Variants in GPM6B observed in about 807,000 individuals in gnomAD.
GPM6B encodes neuronal membrane glycoprotein M6-b.
In GPM6B, 4 loss-of-function variants were observed where a neutral mutation model predicts 27.2. That is an observed-to-expected ratio of 0.15 (90% CI 0.07 to 0.34). GPM6B has a LOEUF of 0.34. GPM6B is among the 10% of genes least tolerant of loss of function. The pLI is 1.00. For missense variants in GPM6B, 183 were observed against 261.9 expected (o/e 0.70, Z 2.08); for synonymous variants, 124 against 103.1 (o/e 1.20, Z -1.23).
chrX:13,774,837 A>C, intron 7 of GPM6B, among the ~76,000 whole-genome samples: 1 of 109,793 alleles, frequency 9.1e-6, no homozygotes, highest in Non-Finnish European at 1.9e-5. Flanking sequence ...GCCCTCAGTG[A>C]GTTTACTAAA....
At chrX:13,925,148 T>C (rs1180595549) in intron 1 of GPM6B, among the ~76,000 whole-genome samples, 1 of 111,247 alleles carries the variant, frequency 9.0e-6, no homozygotes, top group African/African-American at 3.3e-5. Context: ...TTCTGGGACA[T>C]AGTCACAGAG....
chrX:13,890,370 C>G (rs185644268), intron 1 of GPM6B, among the ~76,000 whole-genome samples: 1 of 111,917 alleles, frequency 8.9e-6, no homozygotes, highest in African/African-American at 3.2e-5. Flanking sequence ...TAAAATGGCT[C>G]TATGGAGTAG....
At chrX:13,849,889 T>C (rs2049694420) in intron 1 of GPM6B, among the ~76,000 whole-genome samples, 2 of 109,990 alleles carry the variant, frequency 1.8e-5, no homozygotes, top group Non-Finnish European at 3.8e-5. Flanking sequence ...TGAAACCTCA[T>C]CTTTACTAAA....
chrX:13,792,765 T>C (rs1049139727), intron 2 of GPM6B, among the ~76,000 whole-genome samples: 3 of 110,756 alleles, frequency 2.7e-5, no homozygotes, highest in African/African-American at 9.9e-5. Context: ...CTGGGTGTGG[T>C]GGCGCATGCC....
At chrX:13,857,633 T>C (rs1461865231) in intron 1 of GPM6B, among the ~76,000 whole-genome samples, 1 of 112,539 alleles carries the variant, frequency 8.9e-6, no homozygotes, top group African/African-American at 3.2e-5. Flanking sequence ...CATAACTCAA[T>C]AGCACCTCTT....
intron 1 of GPM6B, among the ~76,000 whole-genome samples, chrX:13,921,561 C>A (rs1248136548): frequency 2.0e-5 from 2 of 99,867 alleles, no homozygotes; most frequent in South Asian, 9.0e-4. Context: ...AGTTTTGCAA[C>A]CACATTTATA....
intron 1 of GPM6B, among the ~76,000 whole-genome samples, chrX:13,865,961 C>T (rs1167048526): frequency 1.8e-5 from 2 of 110,827 alleles, no homozygotes; most frequent in Non-Finnish European, 3.8e-5. Context: ...ACAAATACCT[C>T]ATGATCCTGC....
At chrX:13,899,619 G>A (rs1282910020) in intron 1 of GPM6B, among the ~76,000 whole-genome samples, 4 of 110,672 alleles carry the variant, frequency 3.6e-5, no homozygotes, top group African/African-American at 1.3e-4. Context: ...AAACACGCAA[G>A]TATGGAATGG....
intron 1 of GPM6B, among the ~76,000 whole-genome samples, chrX:13,866,808 A>G (rs2049925209): frequency 8.9e-6 from 1 of 111,928 alleles, no homozygotes; most frequent in Admixed American, 9.5e-5. Context: ...ATACCCAGAT[A>G]CTTGGAGAAC....
At chrX:13,843,200 A>AC (rs2147232013) in intron 1 of GPM6B, among the ~76,000 whole-genome samples, 1 of 112,298 alleles carries the variant, frequency 8.9e-6, no homozygotes, top group East Asian at 2.8e-4. Flanking sequence ...ACACATGGAT[A>AC]TGTAGTCCTT....
chrX:13,796,810 G>T (rs1430123540), intron 2 of GPM6B, among the ~76,000 whole-genome samples: 1 of 112,495 alleles, frequency 8.9e-6, no homozygotes, highest in Admixed American at 9.4e-5. Context: ...CAGAAGATAA[G>T]CAAGTCAATA....
chrX:13,936,914 G>A (rs7878347), intron 1 of GPM6B, among the ~76,000 whole-genome samples: 41,302 of 111,184 alleles, frequency 0.37, 5,770 homozygotes, highest in Non-Finnish European at 0.42. Context: ...AAATCCAAAC[G>A]CCTAGCGTTA....
At chrX:13,873,203 A>G (rs747407624) in intron 1 of GPM6B, among the ~76,000 whole-genome samples, 2 of 110,077 alleles carry the variant, frequency 1.8e-5, no homozygotes, top group East Asian at 5.7e-4. Flanking sequence ...ACATTATCTT[A>G]CTGCTTTTCA....
At chrX:13,789,133 T>C (rs2048665104) in intron 2 of GPM6B, among the ~76,000 whole-genome samples, 1 of 112,090 alleles carries the variant, frequency 8.9e-6, no homozygotes, top group Admixed American at 9.5e-5. Flanking sequence ...TAGGACATAA[T>C]ACAGCTGGAT....
intron 2 of GPM6B, among the ~76,000 whole-genome samples, chrX:13,804,464 C>A (rs1312679598): frequency 9.1e-6 from 1 of 109,468 alleles, no homozygotes; most frequent in African/African-American, 3.3e-5. Flanking sequence ...TACATCATTT[C>A]ATCTCCTGAA....
chrX:13,854,601 A>T (rs914567156), intron 1 of GPM6B, among the ~76,000 whole-genome samples: 2 of 112,339 alleles, frequency 1.8e-5, no homozygotes, highest in Non-Finnish European at 3.8e-5. Flanking sequence ...TTAGTGTTCT[A>T]TACCACTCTG....
At chrX:13,910,019 C>T (rs1157097872) in intron 1 of GPM6B, among the ~76,000 whole-genome samples, 4 of 111,830 alleles carry the variant, frequency 3.6e-5, no homozygotes, top group Non-Finnish European at 7.5e-5. Context: ...TCAGGTGAAC[C>T]GCGTTATCCA....
At chrX:13,935,335 CAAAAA>C (rs60400361) in intron 1 of GPM6B, among the ~76,000 whole-genome samples, 26 of 42,725 alleles carry the variant, frequency 6.1e-4, no homozygotes, top group Admixed American at 1.6e-3. Context: ...CCTATCTCTA[CAAAAA>C]AAAAAAAAAA....
chrX:13,794,101 G>C (rs1234908768), intron 2 of GPM6B, among the ~76,000 whole-genome samples: 2 of 111,056 alleles, frequency 1.8e-5, no homozygotes, highest in African/African-American at 6.5e-5. Flanking sequence ...GGGTTGAGTT[G>C]TTGCCACAGG....
Sources: gnomAD v4.1 joint callset for allele counts (sites outside exome capture counted in the v4.1 genomes callset) on GRCh38, gnomAD v4.1.1 for gene constraint, MANE v1.5 for transcripts, NCBI Gene and HGNC (gene_info 2026-07-23, HGNC 2026-07-21) for gene names.